COL14A1: variants seen among roughly 807,000 people sequenced by gnomAD.
COL14A1 encodes the protein collagen alpha-1(XIV) chain.
COL14A1 carries 136 observed loss-of-function variants against 230.3 expected under a neutral mutation model. That is an observed-to-expected ratio of 0.59 (90% confidence interval 0.51 to 0.68). The LOEUF is 0.68. COL14A1 is among the 30% of genes least tolerant of loss of function. The pLI is 0.00. For synonymous variants in COL14A1, 792 were observed against 784.1 expected (o/e 1.01, Z -0.17); for missense variants, 1,976 against 2,215.8 (o/e 0.89, Z 2.17).
At chr8:120,155,541 G>A (rs1393637248) in intron 2 of COL14A1, among the ~76,000 whole-genome samples, 1 of 152,078 alleles carries the variant, frequency 6.6e-6, no homozygotes, top group Non-Finnish European at 1.5e-5. Flanking sequence ...GTTTTGAGAT[G>A]TCAACACACC....
intron 38 of COL14A1, among the ~76,000 whole-genome samples, chr8:120,314,388 T>A (rs1223603272): frequency 1.3e-5 from 2 of 152,120 alleles, no homozygotes; most frequent in Admixed American, 1.3e-4. Flanking sequence ...TTTAATTATG[T>A]GTAGTAACTG....
intron 42 of COL14A1, among the ~76,000 whole-genome samples, chr8:120,338,458 T>A (rs1822160727): frequency 6.6e-6 from 1 of 152,132 alleles, no homozygotes; most frequent in Admixed American, 6.5e-5. Context: ...CTTGAGCAAG[T>A]GACAAGACCT....
intron 45 of COL14A1, among the ~76,000 whole-genome samples, chr8:120,360,752 CT>C (rs1274558649): frequency 2.0e-5 from 3 of 152,160 alleles, no homozygotes; most frequent in African/African-American, 4.8e-5. Context: ...AGGAGGGGTG[CT>C]TTTGACTCCG....
chr8:120,217,559 T>C (rs1260533042), intron 14 of COL14A1, among the ~76,000 whole-genome samples: 1 of 152,174 alleles, frequency 6.6e-6, no homozygotes, highest in Admixed American at 6.5e-5. Context: ...TTTTACAAAA[T>C]GCATCCTCAT....
intron 38 of COL14A1, among the ~76,000 whole-genome samples, chr8:120,314,310 G>A (rs1052671485): frequency 1.3e-5 from 2 of 152,114 alleles, no homozygotes; most frequent in Non-Finnish European, 1.5e-5. Flanking sequence ...CCTTTTTCTC[G>A]TCTAACTAAA....
intron 45 of COL14A1, among the ~76,000 whole-genome samples, chr8:120,361,943 C>G (rs1482972831): frequency 6.6e-6 from 1 of 152,188 alleles, no homozygotes; most frequent in Non-Finnish European, 1.5e-5. Flanking sequence ...AAAATGAATT[C>G]CAAATCTTGC....
At chr8:120,343,853 A>G (rs1822403483) in intron 44 of COL14A1, among the ~76,000 whole-genome samples, 1 of 152,246 alleles carries the variant, frequency 6.6e-6, no homozygotes, top group African/African-American at 2.4e-5. Context: ...TGTACAATGT[A>G]AATGAGCAGA....
intron 5 of COL14A1, among the ~76,000 whole-genome samples, chr8:120,182,985 C>T (rs1816516046): frequency 6.6e-6 from 1 of 151,996 alleles, no homozygotes; most frequent in African/African-American, 2.4e-5. Flanking sequence ...ACTCAGCCTC[C>T]CAAAATGCTG....
intron 36 of COL14A1, among the ~76,000 whole-genome samples, chr8:120,308,860 A>G (rs1303135641): frequency 1.3e-5 from 2 of 152,178 alleles, no homozygotes; most frequent in African/African-American, 4.8e-5. Flanking sequence ...TAGTGCCCAC[A>G]TGGTCCTCCT....
At chr8:120,310,591 T>G (rs1821005028) in intron 37 of COL14A1, among the ~76,000 whole-genome samples, 1 of 152,214 alleles carries the variant, frequency 6.6e-6, no homozygotes, top group South Asian at 2.1e-4. Flanking sequence ...TGCCAAGCCA[T>G]GTCAAGGAAC....
chr8:120,201,310 T>G (rs1474585284), intron 8 of COL14A1, among the ~76,000 whole-genome samples: 1 of 152,150 alleles, frequency 6.6e-6, no homozygotes, highest in African/African-American at 2.4e-5. Context: ...AGGAGGTAGC[T>G]GTTATAGCTC....
chr8:120,195,259 T>TA (rs1217020604), intron 5 of COL14A1, among the ~76,000 whole-genome samples: 1 of 152,114 alleles, frequency 6.6e-6, no homozygotes, highest in African/African-American at 2.4e-5. Context: ...TTTTTTTAAG[T>TA]AAAAGCATAT....
intron 34 of COL14A1, among the ~76,000 whole-genome samples, chr8:120,291,196 AG>A (rs1820364140): frequency 6.6e-6 from 1 of 152,202 alleles, no homozygotes; most frequent in Non-Finnish European, 1.5e-5. Context: ...TATCAAACTA[AG>A]GATATCTTGT....
chr8:120,184,338 T>C (rs1220160000), intron 5 of COL14A1, among the ~76,000 whole-genome samples: 1 of 151,774 alleles, frequency 6.6e-6, no homozygotes, highest in East Asian at 1.9e-4. Flanking sequence ...CACCGCAACC[T>C]CTGCCTTCCA....
rs1357689421 is a variant in COL14A1, at chr8:120,334,618, A to ACACACACACACACC, written c.4785+1884_4785+1885insACACACACACACCC. ...CACACACACACACACACACACACAC[A>ACACACACACACACC]CCTGTCTTCATTCTTTCACTGCAAG... On this transcript the variant is annotated intron_variant, in intron 42 of 47. Coordinates refer to ENST00000297848, the MANE Select transcript of COL14A1 (RefSeq NM_021110.4). Among the ~76,000 whole-genome samples, 6 of 150,198 alleles carry ACACACACACACACC rather than the reference A, an allele frequency of 4.0e-5. No individual in the cohort carries two copies. The East Asian group carries it at 1.2e-3, about 29-fold the overall frequency.
intron 1 of COL14A1, among the ~76,000 whole-genome samples, chr8:120,126,364 TAC>T (rs767298076): frequency 1.7e-4 from 26 of 152,338 alleles, no homozygotes; most frequent in Admixed American, 6.5e-4. Context: ...GACCTGTCCT[TAC>T]GGAAAGTTCC....
chr8:120,134,932 A>G (rs1039108441), intron 1 of COL14A1, among the ~76,000 whole-genome samples: 1 of 152,172 alleles, frequency 6.6e-6, no homozygotes, highest in African/African-American at 2.4e-5. Flanking sequence ...CCAAGATTGC[A>G]CCACTGCACT....
intron 45 of COL14A1, among the ~76,000 whole-genome samples, chr8:120,356,183 C>T (rs371333141): frequency 1.1e-4 from 16 of 152,176 alleles, no homozygotes; most frequent in East Asian, 5.8e-4. Context: ...TTGAGAAGAA[C>T]GGGTGCCAGC....
At chr8:120,136,476 A>T (rs1275667384) in intron 1 of COL14A1, among the ~76,000 whole-genome samples, 2 of 152,088 alleles carry the variant, frequency 1.3e-5, no homozygotes, top group Admixed American at 1.3e-4. Flanking sequence ...AAACATACTA[A>T]ACATGCTAAA....
Sources: allele counts gnomAD v4.1 joint callset (sites outside exome capture counted in the v4.1 genomes callset), GRCh38; gene constraint gnomAD v4.1.1; transcripts MANE v1.5; gene names NCBI Gene and HGNC (gene_info 2026-07-23, HGNC 2026-07-21).